TMEM132B: variants seen among roughly 807,000 people sequenced by gnomAD.
TMEM132B encodes transmembrane protein 132B.
Under a neutral mutation model 90.8 loss-of-function variants are expected in TMEM132B, and 18 were observed. The observed-to-expected ratio is 0.20, with a 90% CI of 0.14 to 0.29. The LOEUF is 0.29. Ranked by LOEUF, TMEM132B falls within the 10% of genes least tolerant of loss-of-function variation. The probability of loss-of-function intolerance (pLI) is 1.00; values close to 1 mark genes in which losing one functional copy is unlikely to be tolerated. For missense variants in TMEM132B, 1,096 were observed against 1,326.8 expected, an observed-to-expected ratio of 0.83 and a Z score of 2.70; for synonymous variants, 504 against 523.3, an observed-to-expected ratio of 0.96 and a Z score of 0.50.
intron 3 of TMEM132B, among the ~76,000 whole-genome samples, chr12:125,466,977 C>T (rs139891227): frequency 1.9e-4 from 29 of 152,272 alleles, no homozygotes; most frequent in Non-Finnish European, 3.5e-4. Flanking sequence ...ACACTGTTCG[C>T]GATGGATCAA....
At chr12:125,384,272 T>C (rs1046278952) in intron 2 of TMEM132B, among the ~76,000 whole-genome samples, 4 of 152,228 alleles carry the variant, frequency 2.6e-5, no homozygotes, top group Non-Finnish European at 4.4e-5. Flanking sequence ...TTATTCAATA[T>C]TATTTAATGT....
At chr12:125,541,884 G>C (rs376935462) in intron 4 of TMEM132B, among the ~76,000 whole-genome samples, 1 of 151,806 alleles carries the variant, frequency 6.6e-6, no homozygotes. Context: ...AATTAGCCGG[G>C]CGTGGTGGCG....
chr12:125,372,065 C>T (rs1878309451), intron 2 of TMEM132B, among the ~76,000 whole-genome samples: 1 of 152,224 alleles, frequency 6.6e-6, no homozygotes, highest in African/African-American at 2.4e-5. Flanking sequence ...TTTTTAATTG[C>T]ATTTCTTCCT....
At chr12:125,522,081 G>T (rs577465798) in intron 4 of TMEM132B, among the ~76,000 whole-genome samples, 9 of 152,244 alleles carry the variant, frequency 5.9e-5, no homozygotes, top group African/African-American at 1.9e-4. Flanking sequence ...TCTCCTTTTG[G>T]CTCCCTCGGC....
At chr12:125,264,547 G>A (rs568263006) in intron 1 of TMEM132B, among the ~76,000 whole-genome samples, 7 of 152,158 alleles carry the variant, frequency 4.6e-5, no homozygotes, top group Non-Finnish European at 1.0e-4. Flanking sequence ...GTGTTGATGG[G>A]GGATGGACTG....
chr12:125,347,425 G>C (rs7962401), intron 1 of TMEM132B, among the ~76,000 whole-genome samples: 114,465 of 152,142 alleles, frequency 0.75, 43,163 homozygotes, highest in South Asian at 0.81. Flanking sequence ...GCATCAGCCC[G>C]TACGTGGGCT....
intron 2 of TMEM132B, among the ~76,000 whole-genome samples, chr12:125,412,231 G>C (rs1156812561): frequency 6.6e-6 from 1 of 152,118 alleles, no homozygotes; most frequent in African/African-American, 2.4e-5. Context: ...GAGGACGAGG[G>C]GACCTGTGTC....
chr12:125,386,395 G>A (rs1878834771), intron 2 of TMEM132B, among the ~76,000 whole-genome samples: 1 of 152,226 alleles, frequency 6.6e-6, no homozygotes, highest in Non-Finnish European at 1.5e-5. Context: ...TATGACTATG[G>A]TCTAGATGTG....
At chr12:125,471,013 G>A (rs927572678) in intron 3 of TMEM132B, among the ~76,000 whole-genome samples, 2 of 152,232 alleles carry the variant, frequency 1.3e-5, no homozygotes, top group African/African-American at 4.8e-5. Flanking sequence ...AACTTCCCTT[G>A]CAGCCCTGGG....
chr12:125,237,363 C>G (rs963344971), intron 1 of TMEM132B, among the ~76,000 whole-genome samples: 1 of 152,204 alleles, frequency 6.6e-6, no homozygotes, highest in African/African-American at 2.4e-5. Context: ...CGCCCCAGCC[C>G]AAGCAGGCCT....
chr12:125,342,585 A>G (rs1361911148), intron 1 of TMEM132B, among the ~76,000 whole-genome samples: 2 of 152,182 alleles, frequency 1.3e-5, no homozygotes, highest in Non-Finnish European at 2.9e-5. Flanking sequence ...AGCAGGAACT[A>G]TCTGCTTCTT....
In TMEM132B at chr12:125,251,176, T is replaced by A. The variant is rs2136102217; in HGVS notation, c.67+64310T>A. Among the ~76,000 whole-genome samples, 1 of 152,268 alleles carries A rather than the reference T, an allele frequency of 6.6e-6. No individual in the cohort carries two copies. The highest frequency in any genetic ancestry group is 2.4e-5 in the African/African-American group (1 of 41,540). ...CTGGGCTGGCCTGAGAGATTAAGGA[T>A]TTAATGGCATGGAGAAGGGATTTGC... is the stretch of plus-strand genomic sequence containing the variant. On this transcript the variant is annotated intron_variant, in intron 1 of 8. Transcript: ENST00000682704. The surrounding 1 kb of genome is among the most constrained non-coding windows in gnomAD (Gnocchi z 4.4).
intron 1 of TMEM132B, among the ~76,000 whole-genome samples, chr12:125,201,656 G>A (rs191233860): frequency 6.6e-6 from 1 of 152,242 alleles, no homozygotes. Flanking sequence ...GTGACCCTGG[G>A]TGAATTACTT....
At chr12:125,477,448 G>T (rs1881913263) in intron 3 of TMEM132B, among the ~76,000 whole-genome samples, 1 of 152,144 alleles carries the variant, frequency 6.6e-6, no homozygotes, top group South Asian at 2.1e-4. Flanking sequence ...GAGTCCTTTA[G>T]CAAAGATAGT....
Position 125,459,289 on chromosome 12 carries a change from A to G in TMEM132B, c.1106+43612A>G, listed in dbSNP as rs927336727. 3.3e-5 allele frequency among the ~76,000 whole-genome samples: 5 copies of G among 152,338 alleles called. No individual in the cohort carries two copies. The highest frequency in any genetic ancestry group is 1.2e-4 in the African/African-American group (5 of 41,586). ...TGGCTCAAGTCACTCTGGAGGTCCC[A>G]GGAGTATGAACACTGCTGCCTCCCA... On this transcript the variant is annotated intron_variant, in intron 3 of 8. Transcript: ENST00000682704. This position sits in a 1 kb window ranked among gnomAD's most constrained non-coding sequence, Gnocchi z 4.1.
intron 4 of TMEM132B, among the ~76,000 whole-genome samples, chr12:125,519,892 T>C (rs1165490002): frequency 6.6e-6 from 1 of 152,210 alleles, no homozygotes; most frequent in African/African-American, 2.4e-5. Context: ...TGCGTGCATA[T>C]CAGGACTGAG....
intron 4 of TMEM132B, among the ~76,000 whole-genome samples, chr12:125,542,162 G>C (rs1883976447): frequency 6.6e-6 from 1 of 151,620 alleles, no homozygotes; most frequent in South Asian, 2.1e-4. Context: ...AATTTGATTT[G>C]CTCTTTGACC....
rs1023188825 is a variant in TMEM132B, at chr12:125,661,507, T to C, written c.*6797T>C. 1.3e-5 allele frequency: 2 copies of C among 152,198 alleles called. No homozygotes were observed. Among genetic ancestry groups the C allele is most frequent in the Admixed American group, 1.3e-4 (2 of 15,278 alleles). The allele number at this position is 152,198 out of a possible 1,614,324, so 9.4% of individuals were successfully genotyped here. On this transcript the variant is annotated 3_prime_UTR_variant, in exon 9 of 9. Coordinates refer to ENST00000682704, the MANE Select transcript of TMEM132B (RefSeq NM_001366854.1). ...CAGTGAATTACCCCAGAGCCACCAG[T>C]TCACATGCCCAAAGATGAACTGGCC...
At chr12:125,611,654 A>T (rs962665666) in intron 5 of TMEM132B, among the ~76,000 whole-genome samples, 7 of 152,004 alleles carry the variant, frequency 4.6e-5, no homozygotes, top group Non-Finnish European at 1.0e-4. Context: ...CTTGTTATTT[A>T]TTGGCTGACT....
Sources: allele counts gnomAD v4.1 joint callset (sites outside exome capture counted in the v4.1 genomes callset), GRCh38; gene constraint gnomAD v4.1.1; non-coding constraint Gnocchi (gnomAD v3.1); transcripts MANE v1.5; gene names NCBI Gene and HGNC (gene_info 2026-07-23, HGNC 2026-07-21).